Variants in PRUNE2 observed in about 807,000 individuals in gnomAD.
PRUNE2 encodes prune homolog 2 with BCH domain.
PRUNE2 carries 164 observed loss-of-function variants against 252.0 expected under a neutral mutation model. The observed-to-expected ratio is 0.65, with a 90% CI of 0.57 to 0.74. PRUNE2 has a LOEUF of 0.74. Among genes scored for constraint, PRUNE2 ranks in the 30% least tolerant of loss-of-function variants. The probability of loss-of-function intolerance (pLI) is 0.00; values close to 1 mark genes in which losing one functional copy is unlikely to be tolerated. For missense variants in PRUNE2, 3,495 were observed against 3,711.0 expected (o/e 0.94, Z 1.51); for synonymous variants, 1,292 against 1,350.2 (o/e 0.96, Z 0.94).
In PRUNE2 at chr9:76,711,346, G is replaced by C. The variant is rs577176950; in HGVS notation, c.928C>G (p.Leu310Val). Residue 310 changes from leucine (L) to valine (V), a missense_variant, in exon 8 of 19, where the codon CTG (leucine) becomes GTG (valine). Physicochemically the swap from Leu to Val is conservative, Grantham distance 32. Transcript: ENST00000376718. ...AGGCAAGGGTTCTGACACTCTTCCA[G>C]CTCACAGCAAATCTGTCGGAAGGCA... ...MELCSQICCE[L>V]EECQNPCLEL... The C allele has an allele frequency of 4.3e-6, 7 of 1,610,124 alleles. No individual in the cohort carries two copies. In the South Asian group the frequency reaches 6.6e-5, roughly 15 times the overall value.
chr9:76,871,782 C>A (rs1685166698), intron 1 of PRUNE2, among the ~76,000 whole-genome samples: 2 of 152,086 alleles, frequency 1.3e-5, no homozygotes, highest in South Asian at 4.2e-4. Context: ...GTACATGCCA[C>A]CCCGCCTGGC....
chr9:76,775,470 T>TG (rs1554762438), intron 6 of PRUNE2, among the ~76,000 whole-genome samples: 165 of 134,748 alleles, frequency 1.2e-3, no homozygotes, highest in African/African-American at 3.9e-3. Flanking sequence ...CTAATTTTTG[T>TG]GGTTTTTTTT....
intron 6 of PRUNE2, among the ~76,000 whole-genome samples, chr9:76,803,742 TG>T (rs976653688): frequency 1.3e-5 from 2 of 152,102 alleles, no homozygotes; most frequent in Non-Finnish European, 2.9e-5. Context: ...CTGACCCACT[TG>T]GGTTGGTGCA....
intron 6 of PRUNE2, among the ~76,000 whole-genome samples, chr9:76,810,701 GTTGCCAC>G (rs2057299256): frequency 6.6e-6 from 1 of 152,122 alleles, no homozygotes; most frequent in Non-Finnish European, 1.5e-5. Context: ...ATTTCTCTGA[GTTGCCAC>G]TGGCTATGTG....
intron 1 of PRUNE2, among the ~76,000 whole-genome samples, chr9:76,876,691 G>A (rs2061495863): frequency 1.3e-5 from 2 of 151,994 alleles, no homozygotes; most frequent in South Asian, 4.2e-4. Context: ...TAACTCTTCT[G>A]TTTCTAATAC....
chr9:76,720,714 T>C (rs1343349659), intron 6 of PRUNE2, among the ~76,000 whole-genome samples: 1 of 152,210 alleles, frequency 6.6e-6, no homozygotes, highest in Non-Finnish European at 1.5e-5. Flanking sequence ...ATTTTTGCCT[T>C]ATGTTCTCCA....
At position 76,684,188 on chromosome 9, in the gene PRUNE2, A is replaced by C. The variant is rs1020716992; in HGVS notation, c.8276+19149T>G. On this transcript the variant is annotated intron_variant, in intron 9 of 18. Transcript: ENST00000376718. ...ACTCTACAACAGATCACTAAAGTTT[A>C]TTCTTCAGATCTAACTGAAATTTTG... Among the ~76,000 whole-genome samples, 4 of 152,320 alleles carry C rather than the reference A, an allele frequency of 2.6e-5. No homozygotes were observed. The East Asian group carries it at 7.7e-4, about 29-fold the overall frequency.
chr9:76,882,886 GT>G (rs754848545), intron 1 of PRUNE2, among the ~76,000 whole-genome samples: 5 of 152,214 alleles, frequency 3.3e-5, no homozygotes, highest in Admixed American at 2.0e-4. Flanking sequence ...GAAATGAGTA[GT>G]TTGGTACAGT....
intron 9 of PRUNE2, among the ~76,000 whole-genome samples, chr9:76,702,560 A>G (rs1245188547): frequency 6.6e-6 from 1 of 152,156 alleles, no homozygotes; most frequent in Non-Finnish European, 1.5e-5. Flanking sequence ...ATATATGCCC[A>G]TTGGCTACCC....
chr9:76,750,028 G>A (rs1487746304), intron 6 of PRUNE2, among the ~76,000 whole-genome samples: 6 of 152,040 alleles, frequency 3.9e-5, no homozygotes, highest in Non-Finnish European at 8.8e-5. Flanking sequence ...GTGGGCTTCC[G>A]TGTTGAAGAA....
chr9:76,861,110 A>G (rs2060520870), intron 1 of PRUNE2, among the ~76,000 whole-genome samples: 1 of 152,172 alleles, frequency 6.6e-6, no homozygotes, highest in Non-Finnish European at 1.5e-5. Context: ...GGGGCAGCAG[A>G]TGGTACCATG....
At chr9:76,786,191 C>T (rs576814280) in intron 6 of PRUNE2, 1 of 151,982 alleles carries the variant, frequency 6.6e-6, no homozygotes, top group East Asian at 1.9e-4. Flanking sequence ...AGCTCAGGTG[C>T]TTTCACTAAT....
intron 17 of PRUNE2, among the ~76,000 whole-genome samples, chr9:76,624,196 G>T (rs946094158): frequency 7.2e-5 from 11 of 152,022 alleles, no homozygotes; most frequent in African/African-American, 2.7e-4. Flanking sequence ...TTTTGTTGTG[G>T]TGCCTAGAAT....
chr9:76,855,348 A>C (rs115120189), intron 1 of PRUNE2, among the ~76,000 whole-genome samples: 1,741 of 152,104 alleles, frequency 0.011, 39 homozygotes, highest in African/African-American at 0.04. Flanking sequence ...TTAACTTCTC[A>C]TTTTAGAACT....
intron 9 of PRUNE2, among the ~76,000 whole-genome samples, chr9:76,663,208 G>T (rs901707967): frequency 6.6e-5 from 10 of 152,188 alleles, no homozygotes; most frequent in Non-Finnish European, 1.3e-4. Context: ...GGAAGCTGGG[G>T]TCAAGCCCAT....
In PRUNE2 at chr9:76,707,903, A is replaced by G. The variant is rs200128200; in HGVS notation, c.4371T>C (p.Ser1457=). The G allele has an allele frequency of 1.2e-4, 195 of 1,613,796 alleles. No individual in the cohort carries two copies. Among genetic ancestry groups the G allele is most frequent in the Non-Finnish European group, 1.6e-4 (186 of 1,179,834 alleles). The part of the protein sequence containing the change: ...SDGMNFTKYV[S]VPEKDLEKTE... ...TTTTCTCAAGATCCTTTTCAGGTAC[A>G]GATACATATTTTGTGAAATTCATCC... Residue 1457 remains serine, a synonymous_variant, in exon 8 of 19, where the codon TCT becomes TCC. Coordinates refer to ENST00000376718, the MANE Select transcript of PRUNE2 (RefSeq NM_015225.3).
At chr9:76,784,433 G>A (rs1233770763) in intron 6 of PRUNE2, 1 of 152,172 alleles carries the variant, frequency 6.6e-6, no homozygotes, top group South Asian at 2.1e-4. Flanking sequence ...ACGGGGCAGA[G>A]GGTCAGGATT....
At chr9:76,821,458 G>A (rs1018023505) in intron 6 of PRUNE2, among the ~76,000 whole-genome samples, 3 of 152,132 alleles carry the variant, frequency 2.0e-5, no homozygotes, top group Non-Finnish European at 2.9e-5. Context: ...ATTAAACTCT[G>A]ACATTAACTT....
At position 76,826,728 on chromosome 9, in the gene PRUNE2, G is replaced by A. The variant is rs773862345; in HGVS notation, c.513C>T (p.Ser171=). ...TEQLAHRLRG[S]ILFKWMTMES... is the part of the protein sequence containing the mutation. ...CCATGGTCATCCACTTGAAAAGAAT[G>A]CTACCTGAAAGGTATGAATAAAAAT... The change falls in exon 5 of 19, where the codon AGC becomes AGT. Residue 171 remains serine, a synonymous_variant. Coordinates refer to ENST00000376718, the MANE Select transcript of PRUNE2 (RefSeq NM_015225.3). 2.5e-6 allele frequency: 4 copies of A among 1,604,262 alleles called. No individual in the cohort carries two copies. The South Asian group carries it at 4.5e-5, about 18-fold the overall frequency.
Sources: allele counts gnomAD v4.1 joint callset (sites outside exome capture counted in the v4.1 genomes callset), GRCh38; gene constraint gnomAD v4.1.1; transcripts MANE v1.5; gene names NCBI Gene and HGNC (gene_info 2026-07-23, HGNC 2026-07-21).